LINGO1: variants seen among roughly 807,000 people sequenced by gnomAD.
The protein encoded by LINGO1 is leucine-rich repeat and immunoglobulin-like domain-containing nogo receptor-interacting protein 1.
LINGO1 carries 11 observed loss-of-function variants against 37.3 expected under a neutral mutation model. The observed-to-expected ratio is 0.29, with a 90% CI of 0.19 to 0.49. The LOEUF (loss-of-function observed/expected upper bound fraction) is 0.49, where lower values mean the gene tolerates loss of function less well. Among genes scored for constraint, LINGO1 ranks in the 20% least tolerant of loss-of-function variants. LINGO1 has a pLI of 0.99. For missense variants in LINGO1, 585 were observed against 878.2 expected, an observed-to-expected ratio of 0.67 and a Z score of 4.22; for synonymous variants, 387 against 403.0, an observed-to-expected ratio of 0.96 and a Z score of 0.48.
intron 1 of LINGO1, among the ~76,000 whole-genome samples, chr15:77,757,165 C>T (rs2076428664): frequency 6.6e-6 from 1 of 152,244 alleles, no homozygotes; most frequent in African/African-American, 2.4e-5. Context: ...ATTCAAGGGC[C>T]ACCTCCTCTA....
upstream of LINGO1, among the ~76,000 whole-genome samples, chr15:77,635,700 C>G (rs1181726227): frequency 6.6e-6 from 1 of 152,240 alleles, no homozygotes; most frequent in African/African-American, 2.4e-5. Context: ...CAACCAAGAC[C>G]CATCTCTTCT....
intron 1 of LINGO1, among the ~76,000 whole-genome samples, chr15:77,817,719 G>A (rs1400430859): frequency 6.6e-6 from 1 of 152,114 alleles, no homozygotes; most frequent in Non-Finnish European, 1.5e-5. Flanking sequence ...AGAAGGCCTG[G>A]GTGTCCTCCA....
chr15:77,705,374 C>T (rs1596135797), intron 2 of LINGO1, among the ~76,000 whole-genome samples: 1 of 152,322 alleles, frequency 6.6e-6, no homozygotes, highest in African/African-American at 2.4e-5. Flanking sequence ...CTATGCCTCA[C>T]TCGTTCCCGG....
At chr15:77,682,490 G>T (rs1363531631) in intron 2 of LINGO1, among the ~76,000 whole-genome samples, 1 of 152,038 alleles carries the variant, frequency 6.6e-6, no homozygotes, top group Non-Finnish European at 1.5e-5. Flanking sequence ...ATGTGCACCT[G>T]CATGCATTTC....
intron 1 of LINGO1, among the ~76,000 whole-genome samples, chr15:77,744,837 C>T (rs1320004602): frequency 3.9e-5 from 6 of 152,022 alleles, no homozygotes; most frequent in South Asian, 2.1e-4. Flanking sequence ...GTTTCCTAGC[C>T]GGGCACAGTG....
chr15:77,667,978 T>C (rs1404699781), intron 3 of LINGO1: 1 of 152,764 alleles, frequency 6.5e-6, no homozygotes, highest in African/African-American at 2.4e-5. Context: ...GAGGAGGAAC[T>C]AGTGATCCTG....
intron 1 of LINGO1, among the ~76,000 whole-genome samples, chr15:77,743,052 G>A (rs879531326): frequency 6.6e-6 from 1 of 152,222 alleles, no homozygotes; most frequent in Non-Finnish European, 1.5e-5. Context: ...AAATTGAGAA[G>A]AATCTGGTGA....
chr15:77,721,936 C>T (rs1346640226), intron 2 of LINGO1, among the ~76,000 whole-genome samples: 6 of 152,084 alleles, frequency 3.9e-5, no homozygotes, highest in Admixed American at 6.6e-5. Flanking sequence ...TCCCTCTTCC[C>T]GCTGCAGAGC....
chr15:77,647,912 C>T (rs983380418), intron 3 of LINGO1: 1 of 456,638 alleles, frequency 2.2e-6, no homozygotes, highest in Non-Finnish European at 4.4e-6. Flanking sequence ...GTTGCACATT[C>T]CCCTTCTCTA....
Position 77,736,993 on chromosome 15 carries a change from C to T in LINGO1, c.-256-1940G>A, listed in dbSNP as rs376221056. Among the ~76,000 whole-genome samples the T allele has an allele frequency of 2.3e-3, 354 of 152,262 alleles. 12 individuals carry two copies. In the South Asian group the frequency reaches 0.071, roughly 30 times the overall value. On this transcript the variant is annotated intron_variant, in intron 1 of 3. Coordinates refer to the LINGO1 transcript ENST00000561686. ...CTGAGGCATGCCACGTGGGGTGTAC[C>T]CTCACCTGTGTAATCAGGCCCCCAA...
At chr15:77,698,842 G>C (rs1052449668), upstream of LINGO1, among the ~76,000 whole-genome samples, 2 of 152,146 alleles carry the variant, frequency 1.3e-5, no homozygotes, top group African/African-American at 4.8e-5. Flanking sequence ...CTGCCTTTTT[G>C]AAAGTGCCTG....
At chr15:77,685,324 C>T (rs889635514) in intron 2 of LINGO1, among the ~76,000 whole-genome samples, 1 of 152,090 alleles carries the variant, frequency 6.6e-6, no homozygotes, top group African/African-American at 2.4e-5. Context: ...TGGCTGTGGC[C>T]TACTTTCAGG....
At chr15:77,800,310 T>C (rs778480777) in intron 1 of LINGO1, among the ~76,000 whole-genome samples, 1 of 152,202 alleles carries the variant, frequency 6.6e-6, no homozygotes, top group Admixed American at 6.5e-5. Flanking sequence ...CGTCCCTAGT[T>C]ACTGCTGTCT....
At chr15:77,619,283 C>T (rs910411130) in intron 1 of LINGO1, among the ~76,000 whole-genome samples, 34 of 152,106 alleles carry the variant, frequency 2.2e-4, no homozygotes, top group East Asian at 7.7e-4. Context: ...AGGAAACATG[C>T]GCATGAGTGA....
chr15:77,672,496 T>G (rs1227405042), intron 3 of LINGO1, among the ~76,000 whole-genome samples: 2 of 152,128 alleles, frequency 1.3e-5, no homozygotes, highest in Non-Finnish European at 2.9e-5. Flanking sequence ...CAGGCAGGGA[T>G]GCAGAGTGGG....
intron 1 of LINGO1, among the ~76,000 whole-genome samples, chr15:77,753,569 A>T (rs1169014109): frequency 6.6e-6 from 1 of 152,140 alleles, no homozygotes; most frequent in Non-Finnish European, 1.5e-5. Flanking sequence ...CAGCTGAGAG[A>T]GAGAGTTTAT....
chr15:77,769,729 TG>T (rs1363189686), intron 1 of LINGO1, among the ~76,000 whole-genome samples: 2 of 152,114 alleles, frequency 1.3e-5, no homozygotes, highest in East Asian at 3.9e-4. Context: ...ACTCACCTCA[TG>T]CCCCAACCCC....
chr15:77,640,267 CA>C (rs765493510), intron 3 of LINGO1, among the ~76,000 whole-genome samples: 4 of 152,192 alleles, frequency 2.6e-5, no homozygotes, highest in Admixed American at 6.5e-5. Flanking sequence ...CCCTGTGAGC[CA>C]AGCCTGGTCC....
At chr15:77,789,811 G>C (rs541369283), upstream of LINGO1, among the ~76,000 whole-genome samples, 15 of 152,036 alleles carry the variant, frequency 9.9e-5, no homozygotes, top group South Asian at 2.9e-3. Context: ...TTTTGAGACA[G>C]GGAATTGCTC....
Sources: gnomAD v4.1 joint callset for allele counts (sites outside exome capture counted in the v4.1 genomes callset) on GRCh38, gnomAD v4.1.1 for gene constraint, MANE v1.5 for transcripts, NCBI Gene and HGNC (gene_info 2026-07-23, HGNC 2026-07-21) for gene names.